The following FRY variants were observed in gnomAD, a reference collection of about 807,000 sequenced individuals.
FRY encodes protein furry homolog.
In FRY, 128 loss-of-function variants were observed where a neutral mutation model predicts 348.4. That is an observed-to-expected ratio of 0.37 (90% confidence interval 0.32 to 0.43). The LOEUF is 0.43. FRY is among the 20% of genes least tolerant of loss of function. The pLI, the probability that FRY is intolerant of heterozygous loss-of-function variation, is 1.00. For missense variants in FRY, 2,736 were observed against 3,695.2 expected, an observed-to-expected ratio of 0.74 and a Z score of 6.73; for synonymous variants, 1,370 against 1,374.7, an observed-to-expected ratio of 1.00 and a Z score of 0.08.
intron 42 of FRY, among the ~76,000 whole-genome samples, chr13:32,235,630 A>T (rs1379458213): frequency 1.3e-5 from 2 of 152,164 alleles, no homozygotes; most frequent in Non-Finnish European, 2.9e-5. Context: ...TCTCAGAAAA[A>T]AAGAAATGTT....
chr13:32,179,274 T>C (rs1015880343), intron 22 of FRY, among the ~76,000 whole-genome samples: 2 of 152,140 alleles, frequency 1.3e-5, no homozygotes, highest in African/African-American at 4.8e-5. Flanking sequence ...ATAGAGTGAC[T>C]TGTATTTATT....
chr13:32,246,654 C>T (rs1886820269), intron 47 of FRY, among the ~76,000 whole-genome samples: 1 of 152,210 alleles, frequency 6.6e-6, no homozygotes. Flanking sequence ...ATCACTCTAG[C>T]TGGATCTGAT....
rs113469693 is a variant in FRY, at chr13:32,187,500, T to C, written c.3481-46T>C. ...ATAAAGTCAGTTGGATACCATTAGATCATTCCAAGTTTCATTTCCATGTCT... is the reference window on the plus strand; with the variant it reads ...ATAAAGTCAGTTGGATACCATTAGACCATTCCAAGTTTCATTTCCATGTCT... On this transcript the variant is annotated intron_variant, in intron 27 of 60. Transcript: ENST00000542859. The C allele has an allele frequency of 9.9e-4, 1,103 of 1,113,986 alleles. 8 individuals carry two copies. The African/African-American group carries it at 0.015, about 16-fold the overall frequency. The allele number at this position is 1,113,986 out of a possible 1,614,324, so 69.0% of individuals were successfully genotyped here. A position where few individuals can be genotyped will look rare whatever the true frequency, so the allele number is the denominator to read the frequency against.
At chr13:32,278,426 T>A (rs1462911116) in intron 57 of FRY, 39 bp from the exon 58 acceptor site, 2 of 1,028,056 alleles carry the variant, frequency 1.9e-6, no homozygotes, top group African/African-American at 1.6e-5. Flanking sequence ...CTCAGAACAT[T>A]GCTGAATTTA....
intron 13 of FRY, 32 bp from the exon 14 acceptor site, chr13:32,149,716 A>G (rs1368068161): frequency 1.6e-6 from 2 of 1,252,404 alleles, no homozygotes; most frequent in East Asian, 4.6e-5. Context: ...ATATTTTAAC[A>G]CTTTCATTTT....
chr13:32,212,501 GT>G, intron 35 of FRY, 119 bp downstream of exon 35: 1 of 702,236 alleles, frequency 1.4e-6, no homozygotes. Flanking sequence ...ATCCTTCTTT[GT>G]TTTTAGAAAC....
chr13:32,258,094 T>C, intron 51 of FRY: 1 of 784,876 alleles, frequency 1.3e-6, no homozygotes, highest in Admixed American at 2.0e-5. Context: ...TGCGTGCATA[T>C]TTCCATTTAG....
chr13:32,243,529 T>A (rs1886620518), intron 46 of FRY, among the ~76,000 whole-genome samples: 2 of 152,232 alleles, frequency 1.3e-5, no homozygotes, highest in African/African-American at 4.8e-5. Context: ...TTTCCACTGA[T>A]ATGTAAGAAT....
At chr13:32,278,590 C>T in intron 58 of FRY, 42 bp downstream of exon 58, 1 of 1,037,850 alleles carries the variant, frequency 9.6e-7, no homozygotes, top group Non-Finnish European at 1.5e-6. Flanking sequence ...TGTGCTCTAA[C>T]ATTGTGTATT....
intron 55 of FRY, among the ~76,000 whole-genome samples, chr13:32,269,326 A>G (rs1888095500): frequency 6.6e-6 from 1 of 152,208 alleles, no homozygotes; most frequent in South Asian, 2.1e-4. Context: ...ATGGCATTGC[A>G]GCAGGTTGCT....
intron 1 of FRY, among the ~76,000 whole-genome samples, chr13:32,068,437 A>G (rs1874394333): frequency 6.6e-6 from 1 of 152,190 alleles, no homozygotes; most frequent in Non-Finnish European, 1.5e-5. Flanking sequence ...ATGTAACCTC[A>G]TCTTCCTTTG....
chr13:32,183,116 A>G, intron 24 of FRY, 82 bp downstream of exon 24: 1 of 780,434 alleles, frequency 1.3e-6, no homozygotes. Context: ...GATTTCCCCT[A>G]AAGAATACAA....
intron 42 of FRY, among the ~76,000 whole-genome samples, chr13:32,235,630 A>G (rs1379458213): frequency 6.6e-6 from 1 of 152,164 alleles, no homozygotes; most frequent in South Asian, 2.1e-4. Context: ...TCTCAGAAAA[A>G]AAGAAATGTT....
chr13:32,155,637 A>G lies in FRY; in HGVS notation c.1626A>G (p.Leu542=). 1.9e-6 allele frequency: 3 copies of G among 1,613,420 alleles called. No individual in the cohort carries two copies. The highest frequency in any genetic ancestry group is 2.5e-6 in the Non-Finnish European group (3 of 1,179,658). Reference sequence around the variant, plus strand: ...AGAAAACATATTTGAGTAAAACACTAACTGAAGAGGAAGCCAAAATGATAG... The same window carrying G: ...AGAAAACATATTTGAGTAAAACACTGACTGAAGAGGAAGCCAAAATGATAG... ...RVKKTYLSKT[L]TEEEAKMIGM... Residue 542 remains leucine, a synonymous_variant, in exon 15 of 61, where the codon CTA becomes CTG. Coordinates refer to ENST00000542859, the MANE Select transcript of FRY (RefSeq NM_023037.3).
Position 32,267,365 on chromosome 13 carries a change from T to A in FRY, c.8136+6T>A. The A allele has an allele frequency of 6.2e-7, 1 of 1,612,810 alleles. No homozygotes were observed. Among genetic ancestry groups the A allele is most frequent in the Non-Finnish European group, 8.5e-7 (1 of 1,178,890 alleles). On this transcript the variant is annotated splice_donor_region_variant and intron_variant, in intron 55 of 60. Coordinates refer to ENST00000542859, the MANE Select transcript of FRY (RefSeq NM_023037.3). ...TGTTCTCCTCCTTGTTTAAGGTATG[T>A]GTGCTCACTGAAAGTGCAGAGGACT...
rs1886132296 is a variant in FRY at position 32,234,739 on chromosome 13, G to C, written c.5693G>C (p.Gly1898Ala). The part of the protein sequence containing the change: ...DLLSRLVEVI[G>A]EHGDEIQGYV... Reference sequence around the variant, plus strand: ...CTCTCAAGATTGGTGGAGGTGATAGGAGAACATGGAGATGAGATTCAGGTA... The same window carrying C: ...CTCTCAAGATTGGTGGAGGTGATAGCAGAACATGGAGATGAGATTCAGGTA... The change falls in exon 42 of 61, where the codon GGA becomes GCA. Residue 1898 changes from glycine (G) to alanine (A), a missense_variant. Coordinates refer to ENST00000542859, the MANE Select transcript of FRY (RefSeq NM_023037.3). 1 of 1,614,080 alleles carries C rather than the reference G, an allele frequency of 6.2e-7. No individual in the cohort carries two copies. Among genetic ancestry groups the C allele is most frequent in the Non-Finnish European group, 8.5e-7 (1 of 1,179,962 alleles).
In FRY at chr13:32,294,430, C is replaced by G. The variant is rs750468500; in HGVS notation, c.8643C>G (p.Val2881=). 9.3e-6 allele frequency: 15 copies of G among 1,613,860 alleles called. 1 individual carries two copies. The South Asian group carries it at 1.6e-4, about 18-fold the overall frequency. The change falls in exon 60 of 61, where the codon GTC becomes GTG. Residue 2881 remains valine, a synonymous_variant. Coordinates refer to ENST00000542859, the MANE Select transcript of FRY (RefSeq NM_023037.3). ...AACACCTGAAGGAAGCCAGTGCAGT[C>G]ATTGCAGCTGACCCTCTCTATTCAG... ...LKKHLKEASA[V]IAADPLYSDG...
At chr13:32,195,227 G>A (rs1883602982) in intron 29 of FRY, among the ~76,000 whole-genome samples, 1 of 151,598 alleles carries the variant, frequency 6.6e-6, no homozygotes, top group South Asian at 2.1e-4. Context: ...AAAGGTTTCA[G>A]CAGTAGAGTT....
intron 48 of FRY, among the ~76,000 whole-genome samples, chr13:32,248,808 G>T (rs1208932804): frequency 3.3e-5 from 5 of 152,122 alleles, no homozygotes; most frequent in East Asian, 1.9e-4. Context: ...TGAGTTTGTT[G>T]TGTTCTAAAG....
Sources: gnomAD v4.1 joint callset for allele counts (sites outside exome capture counted in the v4.1 genomes callset) on GRCh38, gnomAD v4.1.1 for gene constraint, MANE v1.5 for transcripts, NCBI Gene and HGNC (gene_info 2026-07-23, HGNC 2026-07-21) for gene names.